Variants in SLIT3 observed in about 807,000 individuals in gnomAD.
SLIT3 encodes slit homolog 3 protein.
A neutral mutation model predicts 184.0 loss-of-function variants in SLIT3; 68 were observed. The ratio of observed to expected loss-of-function variants is 0.37; its 90% CI spans 0.30 to 0.45. The LOEUF is 0.45. SLIT3 is among the 20% of genes least tolerant of loss of function. The pLI is 1.00. For missense variants in SLIT3, 1,707 were observed against 2,026.0 expected (o/e 0.84, Z 3.02); for synonymous variants, 831 against 828.6 (o/e 1.00, Z -0.05).
chr5:169,063,660 G>A (rs1332963747), intron 4 of SLIT3, among the ~76,000 whole-genome samples: 2 of 152,164 alleles, frequency 1.3e-5, no homozygotes, highest in African/African-American at 2.4e-5. Context: ...TGTGTGATGC[G>A]GACACCATAA....
At chr5:168,831,092 G>A (rs547518482) in intron 6 of SLIT3, among the ~76,000 whole-genome samples, 12 of 152,340 alleles carry the variant, frequency 7.9e-5, no homozygotes, top group South Asian at 4.1e-4. Flanking sequence ...TCCCAAAGGC[G>A]TCTAAGGTCA....
At chr5:169,161,859 C>G (rs2113394017) in intron 4 of SLIT3, among the ~76,000 whole-genome samples, 1 of 152,216 alleles carries the variant, frequency 6.6e-6, no homozygotes, top group East Asian at 1.9e-4. Flanking sequence ...CTGGGTGACC[C>G]TGGGCAAGTC....
rs779098386 is a variant in SLIT3 at position 168,772,893 on chromosome 5, G to A, written c.1347C>T (p.Ala449=). 1.5e-5 allele frequency: 24 copies of A among 1,613,146 alleles called. No individual in the cohort carries two copies. Among genetic ancestry groups the A allele is most frequent in the Admixed American group, 5.0e-5 (3 of 59,864 alleles). ...FVCDCHLKWL[A]DYLQDNPIET... Reference sequence around the variant, plus strand: ...CGATGGGGTTGTCCTGGAGGTAGTCGGCCAGCCACTTCAAGTGGCAGTCGC... The same window carrying A: ...CGATGGGGTTGTCCTGGAGGTAGTCAGCCAGCCACTTCAAGTGGCAGTCGC... The change falls in exon 14 of 36, where the codon GCC becomes GCT. Residue 449 remains alanine (A), a synonymous_variant. Coordinates refer to ENST00000519560, the MANE Select transcript of SLIT3 (RefSeq NM_003062.4).
chr5:168,752,234 T>C (rs1007027008), intron 18 of SLIT3, among the ~76,000 whole-genome samples: 17 of 152,136 alleles, frequency 1.1e-4, no homozygotes, highest in Admixed American at 9.2e-4. Context: ...TGCTGACAGA[T>C]GTTCAGTCCC....
chr5:168,901,362 T>TCAAAACAAAACAAAACAAAA (rs142953631), intron 4 of SLIT3, among the ~76,000 whole-genome samples: 14,610 of 148,748 alleles, frequency 0.098, 933 homozygotes, highest in South Asian at 0.15. Context: ...AGACTCCGTC[T>TCAAAACAAAACAAAACAAAA]CAAAACAAAA....
chr5:169,076,538 T>C (rs1758749488), intron 4 of SLIT3, among the ~76,000 whole-genome samples: 1 of 152,168 alleles, frequency 6.6e-6, no homozygotes, highest in African/African-American at 2.4e-5. Context: ...TTGCTAAAAC[T>C]TCTTTTTATA....
intron 4 of SLIT3, among the ~76,000 whole-genome samples, chr5:169,015,188 A>G (rs1756318188): frequency 1.3e-5 from 2 of 152,130 alleles, no homozygotes; most frequent in African/African-American, 4.8e-5. Context: ...GGACAAAACA[A>G]GAGTGGCTCT....
At chr5:168,756,082 G>C (rs528145820) in intron 16 of SLIT3, among the ~76,000 whole-genome samples, 7 of 152,366 alleles carry the variant, frequency 4.6e-5, no homozygotes, top group African/African-American at 1.4e-4. Context: ...CGCAGGTGGA[G>C]GTGGAGCCCG....
At chr5:168,995,538 G>C (rs563362261) in intron 4 of SLIT3, 1 of 152,228 alleles carries the variant, frequency 6.6e-6, no homozygotes, top group African/African-American at 2.4e-5. Context: ...TGTGTTCGTT[G>C]GTATGAGGGG....
intron 4 of SLIT3, among the ~76,000 whole-genome samples, chr5:168,948,191 C>T (rs892884937): frequency 6.6e-6 from 1 of 152,170 alleles, no homozygotes; most frequent in African/African-American, 2.4e-5. Flanking sequence ...TGACGCGCCA[C>T]CCCAGCAACA....
chr5:169,042,675 A>C (rs1238033538), intron 4 of SLIT3, among the ~76,000 whole-genome samples: 2 of 152,142 alleles, frequency 1.3e-5, no homozygotes, highest in South Asian at 2.1e-4. Context: ...GAGCTCCCTT[A>C]TATATTACAG....
intron 1 of SLIT3, among the ~76,000 whole-genome samples, chr5:169,298,492 G>A (rs1767583395): frequency 6.6e-6 from 1 of 152,116 alleles, no homozygotes; most frequent in South Asian, 2.1e-4. Context: ...CCCAAACATG[G>A]AGCACGATTT....
At chr5:168,869,817 A>G (rs1759443321) in intron 5 of SLIT3, among the ~76,000 whole-genome samples, 1 of 152,228 alleles carries the variant, frequency 6.6e-6, no homozygotes, top group Non-Finnish European at 1.5e-5. Flanking sequence ...TGGCAGACAC[A>G]GTACCCAGGA....
At chr5:169,069,015 C>G (rs1758451199) in intron 4 of SLIT3, among the ~76,000 whole-genome samples, 2 of 152,146 alleles carry the variant, frequency 1.3e-5, no homozygotes, top group African/African-American at 4.8e-5. Flanking sequence ...CTACCACAAT[C>G]AAGTAGAAGG....
At chr5:169,269,507 G>C (rs1766525210) in intron 1 of SLIT3, among the ~76,000 whole-genome samples, 1 of 152,236 alleles carries the variant, frequency 6.6e-6, no homozygotes, top group South Asian at 2.1e-4. Context: ...CTTTGCTCAG[G>C]CAACTCTCCC....
chr5:169,297,879 C>T (rs1767560081), intron 1 of SLIT3, among the ~76,000 whole-genome samples: 1 of 152,244 alleles, frequency 6.6e-6, no homozygotes, highest in Non-Finnish European at 1.5e-5. Flanking sequence ...GGATAACAGG[C>T]ATGAGCCACT....
At chr5:169,170,404 G>C (rs1019413414) in intron 4 of SLIT3, among the ~76,000 whole-genome samples, 5 of 152,180 alleles carry the variant, frequency 3.3e-5, no homozygotes, top group Non-Finnish European at 7.4e-5. Flanking sequence ...GAGGAGCGAG[G>C]AAGAGTCCTA....
At chr5:169,001,177 A>G (rs1581285710) in intron 4 of SLIT3, among the ~76,000 whole-genome samples, 1 of 152,226 alleles carries the variant, frequency 6.6e-6, no homozygotes, top group South Asian at 2.1e-4. Flanking sequence ...TGAAATGAAA[A>G]AAAATTCTCA....
chr5:169,139,935 C>G (rs1317378021), intron 4 of SLIT3, among the ~76,000 whole-genome samples: 1 of 152,204 alleles, frequency 6.6e-6, no homozygotes, highest in African/African-American at 2.4e-5. Context: ...AACCGCAGCT[C>G]AGACACTGTA....
Sources: gnomAD v4.1 joint callset for allele counts (sites outside exome capture counted in the v4.1 genomes callset) on GRCh38, gnomAD v4.1.1 for gene constraint, MANE v1.5 for transcripts, NCBI Gene and HGNC (gene_info 2026-07-23, HGNC 2026-07-21) for gene names.